Variants in SIL1 observed in about 807,000 individuals in gnomAD.
SIL1 encodes the protein SIL1 nucleotide exchange factor, also known as nucleotide exchange factor SIL1.
In SIL1, 40 loss-of-function variants were observed where a neutral mutation model predicts 49.1. The observed-to-expected ratio is 0.81, with a 90% confidence interval of 0.63 to 1.06. SIL1 has a LOEUF of 1.06. Among genes scored for constraint, SIL1 ranks in the 50% least tolerant of loss-of-function variants. SIL1 has a pLI of 0.00. For synonymous variants in SIL1, 253 were observed against 250.8 expected, an observed-to-expected ratio of 1.01 and a Z score of -0.08; for missense variants, 500 against 572.6, an observed-to-expected ratio of 0.87 and a Z score of 1.29.
chr5:139,050,973 A>G lies in SIL1; in HGVS notation c.318T>C (p.Tyr106=), dbSNP rs1769271583. Residue 106 remains tyrosine, a synonymous_variant, in exon 4 of 10, where the codon TAT becomes TAC. Transcript: ENST00000394817. ...TCAAATTATTTCGGAACTTGTCCTC[A>G]TATTGGAGTTTTGCCTCTCTTTCCC... ...QTGEREAKLQ[Y]EDKFRNNLKG... is the part of the protein sequence containing the mutation. The G allele has an allele frequency of 4.3e-6, 7 of 1,614,170 alleles. No homozygotes were observed. Among genetic ancestry groups the G allele is most frequent in the Middle Eastern group, 1.6e-4 (1 of 6,062 alleles).
At chr5:138,969,190 T>C in intron 7 of SIL1, among the ~76,000 whole-genome samples, 1 of 152,232 alleles carries the variant, frequency 6.6e-6, no homozygotes, top group East Asian at 1.9e-4. Flanking sequence ...ACTTGATTCC[T>C]GAAATCACCT....
intron 7 of SIL1, among the ~76,000 whole-genome samples, chr5:138,957,775 G>A (rs142580177): frequency 1.3e-3 from 192 of 152,240 alleles, no homozygotes; most frequent in African/African-American, 4.2e-3. Flanking sequence ...ATATCAGTGT[G>A]TATGTCCCAA....
chr5:138,985,533 C>T (rs1025434235), intron 7 of SIL1, among the ~76,000 whole-genome samples: 5 of 152,160 alleles, frequency 3.3e-5, no homozygotes, highest in Non-Finnish European at 7.3e-5. Context: ...TAACCCAGCA[C>T]GCTGCCAGGG....
chr5:138,963,495 T>G (rs1350589514), intron 7 of SIL1, among the ~76,000 whole-genome samples: 1 of 152,208 alleles, frequency 6.6e-6, no homozygotes, highest in East Asian at 1.9e-4. Flanking sequence ...GAAAAGGCAA[T>G]GATCGTAGGA....
intron 7 of SIL1, among the ~76,000 whole-genome samples, chr5:138,962,160 C>T (rs1162269956): frequency 1.3e-5 from 2 of 151,968 alleles, no homozygotes; most frequent in Admixed American, 6.5e-5. Context: ...CCGTGCACCA[C>T]GCCAGTTTGC....
chr5:139,055,843 G>A (rs1003710580), intron 3 of SIL1, among the ~76,000 whole-genome samples: 48 of 151,612 alleles, frequency 3.2e-4, no homozygotes, highest in South Asian at 8.4e-4. Context: ...ACTGGTTTTC[G>A]TATTTTTTTG....
At chr5:139,036,611 C>A (rs1319491110) in intron 5 of SIL1, among the ~76,000 whole-genome samples, 1 of 152,112 alleles carries the variant, frequency 6.6e-6, no homozygotes, top group Non-Finnish European at 1.5e-5. Flanking sequence ...AAACCAAATA[C>A]CACATGTTCT....
intron 3 of SIL1, among the ~76,000 whole-genome samples, chr5:139,103,590 A>C (rs1344949644): frequency 6.6e-6 from 1 of 152,252 alleles, no homozygotes; most frequent in African/African-American, 2.4e-5. Flanking sequence ...AGTACTAAAC[A>C]TGGGCACAGT....
In SIL1 at chr5:139,067,890, G is replaced by A. The variant is rs1214497506; in HGVS notation, c.245-16844C>T. ...TTCACAGAAGTGCACAATGATATAT[G>A]GATAGAGTGTTCACTATAGCATTCT... On this transcript the variant is annotated intron_variant, in intron 3 of 9. Coordinates refer to ENST00000394817, the MANE Select transcript of SIL1 (RefSeq NM_022464.5). 3.3e-5 allele frequency among the ~76,000 whole-genome samples: 5 copies of A among 152,312 alleles called. No individual in the cohort carries two copies. In the East Asian group the frequency reaches 7.7e-4, roughly 23 times the overall value.
chr5:139,154,625 T>C (rs1751372670), intron 1 of SIL1, among the ~76,000 whole-genome samples: 1 of 152,104 alleles, frequency 6.6e-6, no homozygotes, highest in Non-Finnish European at 1.5e-5. Context: ...AATACCCCGG[T>C]GTAAAAAATA....
intron 7 of SIL1, among the ~76,000 whole-genome samples, chr5:138,993,592 A>G (rs749049158): frequency 2.0e-5 from 3 of 152,202 alleles, no homozygotes; most frequent in Non-Finnish European, 4.4e-5. Flanking sequence ...AGACGGTAAC[A>G]TCTGTTTTGC....
intron 1 of SIL1, among the ~76,000 whole-genome samples, chr5:139,143,883 CAA>C (rs1384185092): frequency 6.6e-6 from 1 of 151,952 alleles, no homozygotes; most frequent in East Asian, 1.9e-4. Context: ...GCCAATGAAG[CAA>C]AAGACTTTAC....
At chr5:138,949,312 T>A (rs1766709135) in intron 9 of SIL1, among the ~76,000 whole-genome samples, 1 of 152,122 alleles carries the variant, frequency 6.6e-6, no homozygotes, top group Admixed American at 6.5e-5. Context: ...AAGGTACATA[T>A]GAGGACTGCC....
At chr5:139,134,317 G>A (rs1750927966) in intron 1 of SIL1, among the ~76,000 whole-genome samples, 3 of 152,206 alleles carry the variant, frequency 2.0e-5, no homozygotes, top group Non-Finnish European at 4.4e-5. Context: ...TATTATTTTT[G>A]TAGAGATGGG....
chr5:139,005,623 C>T (rs1389457145), intron 7 of SIL1, among the ~76,000 whole-genome samples: 3 of 100,676 alleles, frequency 3.0e-5, no homozygotes, highest in Non-Finnish European at 5.8e-5. Context: ...CCACCACAGT[C>T]CCCAGAGTGT....
At chr5:139,019,182 CAT>C (rs1768464966) in intron 7 of SIL1, among the ~76,000 whole-genome samples, 1 of 152,194 alleles carries the variant, frequency 6.6e-6, no homozygotes, top group Non-Finnish European at 1.5e-5. Flanking sequence ...TATTTGTGCA[CAT>C]GTGTGGCAGG....
At chr5:138,960,671 G>C (rs1767001427) in intron 7 of SIL1, among the ~76,000 whole-genome samples, 1 of 152,136 alleles carries the variant, frequency 6.6e-6, no homozygotes, top group Non-Finnish European at 1.5e-5. Flanking sequence ...GGCCAGGCTG[G>C]TCTCGAACTC....
intron 1 of SIL1, among the ~76,000 whole-genome samples, chr5:139,171,258 A>G (rs1388401331): frequency 6.6e-6 from 1 of 152,286 alleles, no homozygotes; most frequent in East Asian, 1.9e-4. Flanking sequence ...TGGAATAGAA[A>G]GGGGGGAAAG....
rs1336865673 is a variant in SIL1, at chr5:138,947,153, C to T, written c.1350G>A (p.Leu450=). Residue 450 remains leucine (L), a synonymous_variant, in exon 10 of 10, where the codon CTG becomes CTA. Coordinates refer to ENST00000394817, the MANE Select transcript of SIL1 (RefSeq NM_022464.5). This position sits in a 1 kb window ranked among gnomAD's most constrained non-coding sequence, Gnocchi z 4.1. ...GEDEGYFQEL[L]GSVNSLLKEL... ...CCTTCAGCAAGCTGTTGACAGAGCC[C>T]AGCAGCTCCTGGAAGTAGCCCTCGT... 1.9e-6 allele frequency: 3 copies of T among 1,613,564 alleles called. No homozygotes were observed. The highest frequency in any genetic ancestry group is 2.7e-5 in the African/African-American group (2 of 74,932).
Sources: allele counts gnomAD v4.1 joint callset (sites outside exome capture counted in the v4.1 genomes callset), GRCh38; gene constraint gnomAD v4.1.1; non-coding constraint Gnocchi (gnomAD v3.1); transcripts MANE v1.5; gene names NCBI Gene and HGNC (gene_info 2026-07-23, HGNC 2026-07-21).